The following GPHN variants were observed in gnomAD, a reference collection of about 807,000 sequenced individuals.
GPHN encodes the protein gephyrin.
Under a neutral mutation model 95.5 loss-of-function variants are expected in GPHN, and 17 were observed. The observed-to-expected ratio is 0.18, with a 90% CI of 0.12 to 0.27. The LOEUF (loss-of-function observed/expected upper bound fraction) is 0.27. Ranked by LOEUF, GPHN falls within the 10% of genes least tolerant of loss-of-function variation. The probability of loss-of-function intolerance (pLI) is 1.00; values close to 1 mark genes in which losing one functional copy is unlikely to be tolerated. For missense variants in GPHN, 660 were observed against 978.1 expected (o/e 0.67, Z 4.34); for synonymous variants, 320 against 322.5 (o/e 0.99, Z 0.08).
At chr14:66,514,381 A>G (rs1441092305) in intron 1 of GPHN, among the ~76,000 whole-genome samples, 3 of 152,026 alleles carry the variant, frequency 2.0e-5, no homozygotes, top group East Asian at 1.9e-4. Context: ...TGTAAGAACT[A>G]TGTTCTCATA....
the GPHN span, among the ~76,000 whole-genome samples, chr14:67,206,255 T>G: frequency 6.6e-6 from 1 of 152,000 alleles, no homozygotes; most frequent in African/African-American, 2.4e-5. Flanking sequence ...TCCCAGCACT[T>G]TGGGAGACCG....
intron 1 of GPHN, among the ~76,000 whole-genome samples, chr14:66,647,001 A>G (rs768508413): frequency 6.6e-5 from 10 of 151,062 alleles, no homozygotes; most frequent in Non-Finnish European, 8.8e-5. Context: ...GGCTGAAGCA[A>G]TCCTCTTTCC....
chr14:67,600,289 C>T, the GPHN span: 4 of 1,186,000 alleles, frequency 3.4e-6, no homozygotes, highest in Admixed American at 3.2e-5. Context: ...GACCCGCTTC[C>T]GGCAGCCGCG....
At chr14:66,832,830 C>A (rs1398537510) in intron 4 of GPHN, among the ~76,000 whole-genome samples, 1 of 151,978 alleles carries the variant, frequency 6.6e-6, no homozygotes, top group African/African-American at 2.4e-5. Flanking sequence ...TAAAAGAGAG[C>A]TTGAGTAATG....
chr14:67,492,752 T>G, the GPHN span, among the ~76,000 whole-genome samples: 1 of 152,216 alleles, frequency 6.6e-6, no homozygotes. Flanking sequence ...CAAGAAGTCC[T>G]GTGGTAGCTG....
chr14:67,030,324 T>TC lies in GPHN; in HGVS notation c.1006+6649_1006+6650insC, dbSNP rs2074135478. 2.6e-5 allele frequency among the ~76,000 whole-genome samples: 4 copies of TC among 152,332 alleles called. No homozygotes were observed. The South Asian group carries it at 6.2e-4, about 24-fold the overall frequency. ...GTCCAAACCAGAAATCTTTAGTGTT[T>TC]ATTATTCCTCATCCTACAAGCATTT... On this transcript the variant is annotated intron_variant, in intron 10 of 22. Transcript: ENST00000478722.
At chr14:67,372,943 A>G in the GPHN span, among the ~76,000 whole-genome samples, 1 of 152,220 alleles carries the variant, frequency 6.6e-6, no homozygotes, top group South Asian at 2.1e-4. Context: ...GCAAATATGC[A>G]CATGAAAAGA....
intron 1 of GPHN, among the ~76,000 whole-genome samples, chr14:66,585,336 C>G (rs887436189): frequency 7.2e-5 from 11 of 152,182 alleles, no homozygotes; most frequent in African/African-American, 2.4e-4. Flanking sequence ...TTTCAAAAAA[C>G]CAGCTCCTGG....
chr14:67,727,388 C>G, the GPHN span: 58 of 561,890 alleles, frequency 1.0e-4, no homozygotes, highest in South Asian at 1.1e-3. Flanking sequence ...TTAAGAACCT[C>G]AAAAAGTTAC....
the GPHN span, among the ~76,000 whole-genome samples, chr14:67,633,688 C>T: frequency 2.6e-5 from 4 of 152,344 alleles, no homozygotes; most frequent in South Asian, 2.1e-4. Context: ...TTAGAAACCA[C>T]GGTTGTTCCC....
At chr14:67,609,706 G>C in the GPHN span, among the ~76,000 whole-genome samples, 4 of 152,114 alleles carry the variant, frequency 2.6e-5, no homozygotes, top group Admixed American at 6.5e-5. Context: ...TAAATAACAA[G>C]AGCCTTTCAC....
chr14:67,104,435 A>G (rs1382743592), intron 13 of GPHN, among the ~76,000 whole-genome samples: 1 of 152,176 alleles, frequency 6.6e-6, no homozygotes, highest in African/African-American at 2.4e-5. Context: ...AAGAATTAGT[A>G]TGAGTTCTTC....
chr14:67,708,683 C>A, the GPHN span, among the ~76,000 whole-genome samples: 1 of 152,052 alleles, frequency 6.6e-6, no homozygotes, highest in Non-Finnish European at 1.5e-5. Flanking sequence ...ACAAATACAG[C>A]CCAAAGAAAA....
chr14:66,983,603 C>T (rs1267855536), intron 9 of GPHN, among the ~76,000 whole-genome samples: 1 of 152,204 alleles, frequency 6.6e-6, no homozygotes, highest in Non-Finnish European at 1.5e-5. Context: ...GTTTCAAAGA[C>T]AGGCTTGTTT....
At chr14:66,808,019 T>C (rs1215738871) in intron 3 of GPHN, among the ~76,000 whole-genome samples, 4 of 152,258 alleles carry the variant, frequency 2.6e-5, no homozygotes, top group African/African-American at 7.2e-5. Flanking sequence ...ATGAGAACTC[T>C]ATTTTGCTTC....
chr14:66,680,535 A>G (rs773733766), intron 1 of GPHN, among the ~76,000 whole-genome samples: 2 of 152,188 alleles, frequency 1.3e-5, no homozygotes, highest in Non-Finnish European at 2.9e-5. Flanking sequence ...CCAGTTTTTC[A>G]TGCCAGCTTA....
the GPHN span, among the ~76,000 whole-genome samples, chr14:67,223,148 C>T: frequency 0.078 from 11,913 of 152,010 alleles, 1,090 homozygotes; most frequent in African/African-American, 0.22. Flanking sequence ...TACAAGCACC[C>T]GCCACCATGC....
chr14:67,066,988 G>A (rs762802333), intron 11 of GPHN, among the ~76,000 whole-genome samples: 2 of 152,152 alleles, frequency 1.3e-5, no homozygotes, highest in African/African-American at 4.8e-5. Context: ...GAGGAGCTGC[G>A]ATCCTTTGGA....
At chr14:66,771,709 A>C in intron 2 of GPHN, among the ~76,000 whole-genome samples, 1 of 144,894 alleles carries the variant, frequency 6.9e-6, no homozygotes, top group Non-Finnish European at 1.5e-5. Context: ...ATATCTCCCA[A>C]TGCTATCCCT....
Sources: gnomAD v4.1 joint callset for allele counts (sites outside exome capture counted in the v4.1 genomes callset) on GRCh38, gnomAD v4.1.1 for gene constraint, MANE v1.5 for transcripts, NCBI Gene and HGNC (gene_info 2026-07-23, HGNC 2026-07-21) for gene names.